Variants in RAD18 observed in about 807,000 individuals in gnomAD.
RAD18 encodes the protein E3 ubiquitin-protein ligase RAD18.
Under a neutral mutation model 60.4 loss-of-function variants are expected in RAD18, and 47 were observed. That is an observed-to-expected ratio of 0.78 (90% CI 0.62 to 0.99). RAD18 has a LOEUF of 0.99. Among genes scored for constraint, RAD18 ranks in the 50% least tolerant of loss-of-function variants. RAD18 has a pLI of 0.00. For synonymous variants in RAD18, 225 were observed against 195.5 expected (o/e 1.15, Z -1.26); for missense variants, 640 against 593.3 (o/e 1.08, Z -0.82).
At chr3:8,936,726 C>G (rs1336263415) in intron 6 of RAD18, among the ~76,000 whole-genome samples, 1 of 152,184 alleles carries the variant, frequency 6.6e-6, no homozygotes, top group Non-Finnish European at 1.5e-5. Flanking sequence ...TTGCATATAA[C>G]TAGCTCACAC....
rs1203686053 is a variant in RAD18, at chr3:8,906,747, T to C, written c.1028-4227A>G. ...TAAATATAGTCTCTGTTATTCCATC[T>C]GGGCTAATAGAAATCTCTATTTCTA... On this transcript the variant is annotated intron_variant, in intron 9 of 12. Transcript: ENST00000264926. Among the ~76,000 whole-genome samples, 6 of 151,554 alleles carry C rather than the reference T, an allele frequency of 4.0e-5. No individual in the cohort carries two copies. In the South Asian group the frequency reaches 1.0e-3, roughly 26 times the overall value.
At chr3:8,921,819 C>T (rs994148646) in intron 7 of RAD18, among the ~76,000 whole-genome samples, 2 of 152,164 alleles carry the variant, frequency 1.3e-5, no homozygotes, top group African/African-American at 4.8e-5. Context: ...AAACACAGAC[C>T]TTCTTTTCCA....
At chr3:8,917,897 G>C (rs1940235370) in intron 7 of RAD18, among the ~76,000 whole-genome samples, 1 of 152,070 alleles carries the variant, frequency 6.6e-6, no homozygotes, top group African/African-American at 2.4e-5. Context: ...TAAATAAAAA[G>C]ATAGGTTAAA....
intron 7 of RAD18, among the ~76,000 whole-genome samples, chr3:8,921,163 A>C (rs1196783855): frequency 1.3e-5 from 2 of 152,280 alleles, no homozygotes; most frequent in Non-Finnish European, 2.9e-5. Context: ...AGAGTAATTC[A>C]TAAAGCAAAT....
intron 12 of RAD18, among the ~76,000 whole-genome samples, chr3:8,882,072 GA>G: frequency 6.6e-6 from 1 of 152,312 alleles, no homozygotes; most frequent in South Asian, 2.1e-4. Flanking sequence ...GTGCTCACAA[GA>G]AAGACTGGGA....
At chr3:8,890,061 T>C (rs1368693534) in intron 12 of RAD18, 2 of 317,554 alleles carry the variant, frequency 6.3e-6, no homozygotes, top group Non-Finnish European at 1.2e-5. Flanking sequence ...TAGGTAAGTA[T>C]ACTCTGATGT....
At chr3:8,921,454 T>C (rs1163664628) in intron 7 of RAD18, among the ~76,000 whole-genome samples, 1 of 152,048 alleles carries the variant, frequency 6.6e-6, no homozygotes, top group Non-Finnish European at 1.5e-5. Flanking sequence ...GAGTTCAACA[T>C]CAGCCTGGGC....
At chr3:8,921,580 C>T (rs919855948) in intron 7 of RAD18, among the ~76,000 whole-genome samples, 1 of 151,904 alleles carries the variant, frequency 6.6e-6, no homozygotes, top group East Asian at 1.9e-4. Context: ...TCCGAGGCTG[C>T]GGTGAACTAT....
chr3:8,886,680 T>A (rs918229357), intron 12 of RAD18, among the ~76,000 whole-genome samples: 1 of 152,140 alleles, frequency 6.6e-6, no homozygotes, highest in African/African-American at 2.4e-5. Context: ...TGGAGCAAAA[T>A]CAGGGGCTTC....
chr3:8,915,019 G>T (rs1169597947), intron 7 of RAD18, among the ~76,000 whole-genome samples: 1 of 151,736 alleles, frequency 6.6e-6, no homozygotes, highest in Non-Finnish European at 1.5e-5. Context: ...TGTGGTGGGG[G>T]GCGCCTATAG....
chr3:8,938,232 A>T (rs1349659240), intron 6 of RAD18, among the ~76,000 whole-genome samples: 1 of 152,180 alleles, frequency 6.6e-6, no homozygotes, highest in Non-Finnish European at 1.5e-5. Flanking sequence ...CTGTGCATGT[A>T]AAACTGCCCC....
intron 7 of RAD18, among the ~76,000 whole-genome samples, chr3:8,933,962 T>C (rs1446423032): frequency 6.6e-6 from 1 of 152,182 alleles, no homozygotes; most frequent in Non-Finnish European, 1.5e-5. Flanking sequence ...AATAGCCCAA[T>C]GGAACAAAAC....
At chr3:8,922,045 C>T (rs998362898) in intron 7 of RAD18, among the ~76,000 whole-genome samples, 11 of 152,206 alleles carry the variant, frequency 7.2e-5, no homozygotes, top group African/African-American at 2.4e-4. Flanking sequence ...GCATTTCCAA[C>T]TGAGGTACCA....
chr3:8,907,067 A>G (rs341783), intron 9 of RAD18, among the ~76,000 whole-genome samples: 127,120 of 152,160 alleles, frequency 0.84, 53,322 homozygotes, highest in South Asian at 0.9. Flanking sequence ...TTCCAGTACT[A>G]TGTCCTGCAA....
chr3:8,941,534 A>C lies in RAD18; in HGVS notation c.537T>G (p.Ala179=). ...GACGCTTAGCCTCTGAGGGATCTGG[A>C]GCGATCTCTTCTACAGAACGTGTCT... The part of the protein sequence containing the change: ...TKETRSVEEI[A]PDPSEAKRPE... Residue 179 remains alanine, a synonymous_variant, in exon 5 of 13, where the codon GCT becomes GCG. Transcript: ENST00000264926. 1 of 1,614,048 alleles carries C rather than the reference A, an allele frequency of 6.2e-7. No homozygotes were observed. Among genetic ancestry groups the C allele is most frequent in the Non-Finnish European group, 8.5e-7 (1 of 1,179,988 alleles).
chr3:8,891,776 C>T lies in RAD18; in HGVS notation c.1323-1325G>A, dbSNP rs188852519. 6.2e-3 allele frequency among the ~76,000 whole-genome samples: 949 copies of T among 152,308 alleles called. 6 individuals are homozygous for T. The highest frequency in any genetic ancestry group is 0.022 in the African/African-American group (902 of 41,558). ...CAGAATTTTATCTAAAATGAAGTTTCAGGATTATCTGCTATATCTGCTGTT... is the reference window on the plus strand; with the variant it reads ...CAGAATTTTATCTAAAATGAAGTTTTAGGATTATCTGCTATATCTGCTGTT... On this transcript the variant is annotated intron_variant, in intron 11 of 12. Coordinates refer to ENST00000264926, the MANE Select transcript of RAD18 (RefSeq NM_020165.4).
intron 11 of RAD18, among the ~76,000 whole-genome samples, chr3:8,898,633 C>T (rs555127455): frequency 6.6e-6 from 1 of 152,208 alleles, no homozygotes; most frequent in Admixed American, 6.5e-5. Context: ...GTCTATCATG[C>T]TTTCTTTTCC....
chr3:8,944,897 C>T (rs1380796020), intron 4 of RAD18, among the ~76,000 whole-genome samples: 1 of 152,196 alleles, frequency 6.6e-6, no homozygotes, highest in Non-Finnish European at 1.5e-5. Flanking sequence ...TTTGGCTAAA[C>T]AATAAACTGT....
chr3:8,936,084 T>G (rs1940648633), intron 6 of RAD18, 29 bp from the exon 7 acceptor site: 1 of 1,428,226 alleles, frequency 7.0e-7, no homozygotes, highest in Non-Finnish European at 9.3e-7. Flanking sequence ...ACCTGATGAT[T>G]ATTGTGAATT....
Sources: gnomAD v4.1 joint callset for allele counts (sites outside exome capture counted in the v4.1 genomes callset) on GRCh38, gnomAD v4.1.1 for gene constraint, MANE v1.5 for transcripts, NCBI Gene and HGNC (gene_info 2026-07-23, HGNC 2026-07-21) for gene names.